GSTZ1: variants seen among roughly 807,000 people sequenced by gnomAD.
The protein encoded by GSTZ1 is glutathione S-transferase zeta 1, also known as maleylacetoacetate isomerase.
Under a neutral mutation model 35.9 loss-of-function variants are expected in GSTZ1, and 34 were observed. The ratio of observed to expected loss-of-function variants is 0.95; its 90% CI spans 0.72 to 1.26. The LOEUF is 1.26. GSTZ1 is among the 50% of genes most tolerant of loss of function. The pLI, the probability that GSTZ1 is intolerant of heterozygous loss-of-function variation, is 0.00. For missense variants in GSTZ1, 263 were observed against 271.7 expected, an observed-to-expected ratio of 0.97 and a Z score of 0.23; for synonymous variants, 93 against 101.2, an observed-to-expected ratio of 0.92 and a Z score of 0.49.
chr14:77,321,219 T>G (rs1385774625), intron 1 of GSTZ1, 36 bp downstream of exon 1: 7 of 1,519,338 alleles, frequency 4.6e-6, no homozygotes, highest in Non-Finnish European at 6.2e-6. Context: ...GGAAGCTGGT[T>G]AGACACCTGG....
chr14:77,328,265 C>A, intron 5 of GSTZ1: 1 of 545,272 alleles, frequency 1.8e-6, no homozygotes, highest in Non-Finnish European at 3.3e-6. Flanking sequence ...TCCAAGGACG[C>A]ATGTACAGGT....
At chr14:77,324,605 A>C (rs1220965354) in intron 1 of GSTZ1, 1 of 1,533,228 alleles carries the variant, frequency 6.5e-7, no homozygotes, top group Admixed American at 2.0e-5. Context: ...CCACGATACC[A>C]TGACAGAGTC....
At position 77,329,159 on chromosome 14, in the gene GSTZ1, C is replaced by A. The variant is rs1327901766; in HGVS notation, c.379C>A (p.Gln127Lys). ...SVLKQVGEEM[Q>K]LTWAQNAITC... is the part of the protein sequence containing the mutation. ...CCTGAAGCAAGTGGGAGAGGAGATG[C>A]AGCTGACCTGGGCCCAGAACGCCAT... The change falls in exon 6 of 9, where the codon CAG (glutamine) becomes AAG (lysine). Residue 127 changes from glutamine (Q) to lysine (K), a missense_variant. Coordinates refer to ENST00000216465, the MANE Select transcript of GSTZ1 (RefSeq NM_145870.3). 1 of 1,613,162 alleles carries A rather than the reference C, an allele frequency of 6.2e-7. No homozygotes were observed. Among genetic ancestry groups the A allele is most frequent in the Non-Finnish European group, 8.5e-7 (1 of 1,179,160 alleles).
chr14:77,329,010 A>G (rs940618311), intron 5 of GSTZ1, 113 bp from the exon 6 acceptor site: 11 of 801,764 alleles, frequency 1.4e-5, no homozygotes, highest in Middle Eastern at 2.4e-4. Context: ...GGGAGAAGGG[A>G]TAGACATCCA....
chr14:77,329,336 G>T (rs183812061), intron 6 of GSTZ1, 135 bp downstream of exon 6: 3 of 698,550 alleles, frequency 4.3e-6, no homozygotes, highest in Non-Finnish European at 7.8e-6. Flanking sequence ...GGGCAGGACT[G>T]GGGAGGCAAT....
At chr14:77,327,587 AGCAGT>A (rs1378958898) in intron 4 of GSTZ1, 35 bp downstream of exon 4, 8 of 1,375,552 alleles carry the variant, frequency 5.8e-6, no homozygotes, top group Non-Finnish European at 8.2e-6. Context: ...CCCTCATGAG[AGCAGT>A]GCCCTGAATG....
chr14:77,327,955 G>C lies in GSTZ1; in HGVS notation c.260G>C (p.Arg87Pro). Residue 87 changes from arginine to proline, a missense_variant, in exon 5 of 9, where the codon CGA becomes CCA. Coordinates refer to ENST00000216465, the MANE Select transcript of GSTZ1 (RefSeq NM_145870.3). ...EYLEEMRPTP[R>P]LLPQDPKKRA... is the part of the protein sequence containing the mutation. ...CTAGAGGAGATGCGTCCCACTCCGC[G>C]ACTTCTGCCTCAGGACCCAAAGAAG... The C allele has an allele frequency of 6.2e-7, 1 of 1,613,960 alleles. No individual in the cohort carries two copies. The highest frequency in any genetic ancestry group is 8.5e-7 in the Non-Finnish European group (1 of 1,179,896).
intron 4 of GSTZ1, 75 bp downstream of exon 4, chr14:77,327,627 C>T: frequency 1.0e-6 from 1 of 999,602 alleles, no homozygotes; most frequent in African/African-American, 1.6e-5. Flanking sequence ...CTCTTCCTCG[C>T]CTGTGTACAG....
chr14:77,329,172 C>T lies in GSTZ1; in HGVS notation c.392C>T (p.Ala131Val). 1 of 1,611,964 alleles carries T rather than the reference C, an allele frequency of 6.2e-7. No homozygotes were observed. Among genetic ancestry groups the T allele is most frequent in the Non-Finnish European group, 8.5e-7 (1 of 1,177,978 alleles). ...GGAGAGGAGATGCAGCTGACCTGGG[C>T]CCAGAACGCCATCACTTGTGGCTTT... ...QVGEEMQLTW[A>V]QNAITCGFNA... Residue 131 changes from alanine (A) to valine (V), a missense_variant, in exon 6 of 9, where the codon GCC (alanine) becomes GTC (valine). Coordinates refer to ENST00000216465, the MANE Select transcript of GSTZ1 (RefSeq NM_145870.3).
Position 77,321,042 on chromosome 14 carries a change from C to T in GSTZ1, c.-127C>T. ...GGCGACCGGAAGGATCTTTCTAGTCCAGCCCCTCGCTTTACCCGGACGAAA... is the reference window on the plus strand; with the variant it reads ...GGCGACCGGAAGGATCTTTCTAGTCTAGCCCCTCGCTTTACCCGGACGAAA... On this transcript the variant is annotated 5_prime_UTR_variant, in exon 1 of 9. Transcript: ENST00000216465. 1 of 1,061,778 alleles carries T rather than the reference C, an allele frequency of 9.4e-7. No individual in the cohort carries two copies. Among genetic ancestry groups the T allele is most frequent in the Non-Finnish European group, 1.3e-6 (1 of 757,714 alleles). The allele number at this position is 1,061,778 out of a possible 1,614,324, so 65.8% of individuals were successfully genotyped here. A position where few individuals can be genotyped will look rare whatever the true frequency, so the allele number is the denominator to read the frequency against.
chr14:77,326,663 C>A, intron 2 of GSTZ1, 175 bp from the exon 3 acceptor site: 1 of 580,306 alleles, frequency 1.7e-6, no homozygotes, highest in Non-Finnish European at 3.1e-6. Flanking sequence ...GTAGGGAGCA[C>A]GTGGTGACAA....
chr14:77,330,767 T>C (rs1016596726), intron 8 of GSTZ1, among the ~76,000 whole-genome samples: 4 of 152,200 alleles, frequency 2.6e-5, no homozygotes, highest in Non-Finnish European at 5.9e-5. Context: ...TGGAAACGTA[T>C]GGCACATTCC....
At chr14:77,325,791 G>C (rs1892284698) in intron 2 of GSTZ1, 1 of 152,210 alleles carries the variant, frequency 6.6e-6, no homozygotes, top group Admixed American at 6.5e-5. Context: ...GGATCAGTAA[G>C]CAAGAGCACT....
intron 4 of GSTZ1, 74 bp from the exon 5 acceptor site, chr14:77,327,837 GA>G: frequency 1.4e-6 from 2 of 1,397,118 alleles, no homozygotes; most frequent in Non-Finnish European, 2.0e-6. Context: ...GGAGAAGGAG[GA>G]GTTTGCTGGC....
rs545694011 is a variant in GSTZ1, at chr14:77,326,613, G to A, written c.68-225G>A. 2.4e-5 allele frequency: 12 copies of A among 508,330 alleles called. No homozygotes were observed. The South Asian group carries it at 2.9e-4, about 12-fold the overall frequency. The allele number at this position is 508,330 out of a possible 1,614,324, so 31.5% of individuals were successfully genotyped here. ...GGGGTCCAGATCTTGAGGTCTCTAA[G>A]AGTTCAGGGGTGAGTGAGGCAGAGC... On this transcript the variant is annotated intron_variant, in intron 2 of 8. Coordinates refer to ENST00000216465, the MANE Select transcript of GSTZ1 (RefSeq NM_145870.3).
Position 77,321,530 on chromosome 14 carries a change from G to T in GSTZ1, c.15+347G>T, listed in dbSNP as rs559196882. On this transcript the variant is annotated intron_variant, in intron 1 of 8. Transcript: ENST00000216465. ...GCCCCAAGCCTCCCAATTTCTCGCA[G>T]CCCTTCATGCTCTTCTCTTGGCCCT... 2.7e-5 allele frequency: 36 copies of T among 1,316,430 alleles called. No homozygotes were observed. In the African/African-American group the frequency reaches 4.6e-4, roughly 17 times the overall value. The allele number at this position is 1,316,430 out of a possible 1,614,324, so 81.5% of individuals were successfully genotyped here.
chr14:77,327,592 T>C, intron 4 of GSTZ1, 40 bp downstream of exon 4: 2 of 1,310,272 alleles, frequency 1.5e-6, no homozygotes, highest in Non-Finnish European at 1.1e-6. Flanking sequence ...ATGAGAGCAG[T>C]GCCCTGAATG....
chr14:77,328,857 T>C (rs1002651255), intron 5 of GSTZ1: 1 of 529,952 alleles, frequency 1.9e-6, no homozygotes, highest in African/African-American at 1.9e-5. Flanking sequence ...CTGTGTCACA[T>C]GAATAGGGAT....
intron 1 of GSTZ1, chr14:77,321,393 T>C: frequency 6.5e-7 from 1 of 1,529,328 alleles, no homozygotes; most frequent in Non-Finnish European, 8.7e-7. Context: ...GAGGCGGTCC[T>C]GGTAGGGAGT....
Sources: allele counts gnomAD v4.1 joint callset (sites outside exome capture counted in the v4.1 genomes callset), GRCh38; gene constraint gnomAD v4.1.1; transcripts MANE v1.5; gene names NCBI Gene and HGNC (gene_info 2026-07-23, HGNC 2026-07-21).